Variants in ADAMTSL1 observed in about 807,000 individuals in gnomAD.
ADAMTSL1 encodes the protein ADAMTS like 1, also known as ADAMTS-like protein 1.
ADAMTSL1 carries 126 observed loss-of-function variants against 201.8 expected under a neutral mutation model. The observed-to-expected ratio is 0.62, with a 90% CI of 0.54 to 0.72. The LOEUF is 0.72. Among genes scored for constraint, ADAMTSL1 ranks in the 30% least tolerant of loss-of-function variants. ADAMTSL1 has a pLI of 0.00. For synonymous variants in ADAMTSL1, 1,121 were observed against 903.4 expected (o/e 1.24, Z -4.32); for missense variants, 2,679 against 2,277.8 (o/e 1.18, Z -3.59).
In ADAMTSL1 at chr9:18,266,727, T is replaced by C. The variant is rs572594905; in HGVS notation, c.207+102746T>C. 2.6e-5 allele frequency among the ~76,000 whole-genome samples: 4 copies of C among 152,256 alleles called. 1 individual carries two copies. Among genetic ancestry groups the C allele is most frequent in the East Asian group, 1.9e-4 (1 of 5,180 alleles). ...TCAGGGGCCCTATCGATTAACCCCA[T>C]TGGACAAGACTCAGTAAACATGGCC... On this transcript the variant is annotated intron_variant, in intron 2 of 29. Coordinates refer to the ADAMTSL1 transcript ENST00000680146.
chr9:18,006,391 T>G (rs1819828533), intron 1 of ADAMTSL1, among the ~76,000 whole-genome samples: 1 of 152,016 alleles, frequency 6.6e-6, no homozygotes, highest in Non-Finnish European at 1.5e-5. Flanking sequence ...CCTGACAATT[T>G]CACAGTTGGC....
chr9:18,143,144 A>G (rs562672353), intron 1 of ADAMTSL1, among the ~76,000 whole-genome samples: 1 of 152,240 alleles, frequency 6.6e-6, no homozygotes, highest in East Asian at 1.9e-4. Context: ...AGGCTTAACC[A>G]CCTTCTACTC....
intron 1 of ADAMTSL1, among the ~76,000 whole-genome samples, chr9:17,936,081 T>C (rs1479697017): frequency 2.0e-5 from 3 of 152,210 alleles, no homozygotes; most frequent in Admixed American, 6.5e-5. Flanking sequence ...ATTTAGCTCT[T>C]AGAAAACAAA....
chr9:18,146,487 A>G (rs1826648789), intron 1 of ADAMTSL1, among the ~76,000 whole-genome samples: 1 of 152,174 alleles, frequency 6.6e-6, no homozygotes, highest in African/African-American at 2.4e-5. Context: ...ATAGTATATG[A>G]TTCTGATTTT....
At chr9:18,327,127 T>C (rs2132884910) in intron 2 of ADAMTSL1, among the ~76,000 whole-genome samples, 1 of 152,362 alleles carries the variant, frequency 6.6e-6, no homozygotes, top group South Asian at 2.1e-4. Context: ...AGTTTCATGG[T>C]AGGTCATTTT....
intron 23 of ADAMTSL1, among the ~76,000 whole-genome samples, chr9:18,857,254 G>C (rs995496455): frequency 1.3e-5 from 2 of 152,158 alleles, no homozygotes; most frequent in African/African-American, 4.8e-5. Flanking sequence ...TCATTGCCCA[G>C]TGCATATTCC....
At chr9:17,958,433 C>T (rs141338016) in intron 1 of ADAMTSL1, among the ~76,000 whole-genome samples, 1 of 152,236 alleles carries the variant, frequency 6.6e-6, no homozygotes. Context: ...GCAAGTTTAT[C>T]ATTATTTTAG....
At chr9:18,289,865 A>T (rs976950061) in intron 2 of ADAMTSL1, among the ~76,000 whole-genome samples, 1 of 152,222 alleles carries the variant, frequency 6.6e-6, no homozygotes, top group African/African-American at 2.4e-5. Flanking sequence ...TCCAGTTTAT[A>T]ATTCAAAGGA....
chr9:17,972,211 G>T (rs1818231807), intron 1 of ADAMTSL1, among the ~76,000 whole-genome samples: 1 of 145,480 alleles, frequency 6.9e-6, no homozygotes, highest in Non-Finnish European at 1.5e-5. Context: ...TGTGCACAAT[G>T]TGCAGGTTTG....
chr9:18,125,761 A>C (rs2049332710), intron 1 of ADAMTSL1, among the ~76,000 whole-genome samples: 1 of 152,176 alleles, frequency 6.6e-6, no homozygotes, highest in African/African-American at 2.4e-5. Context: ...TCTATATTGC[A>C]TCTTTTTTCC....
intron 15 of ADAMTSL1, among the ~76,000 whole-genome samples, chr9:18,733,784 T>G (rs932459472): frequency 6.6e-6 from 1 of 151,768 alleles, no homozygotes; most frequent in African/African-American, 2.4e-5. Flanking sequence ...CCCTGAAGAC[T>G]TATTCTCAGT....
intron 2 of ADAMTSL1, among the ~76,000 whole-genome samples, chr9:18,525,178 A>G (rs1433683533): frequency 6.6e-6 from 1 of 152,236 alleles, no homozygotes. Flanking sequence ...GGGAGGGTGT[A>G]TGTGTCCAGG....
At chr9:18,688,021 T>C (rs75757256) in intron 13 of ADAMTSL1, among the ~76,000 whole-genome samples, 1 of 151,770 alleles carries the variant, frequency 6.6e-6, no homozygotes, top group South Asian at 2.1e-4. Flanking sequence ...TACATGTTGA[T>C]TTTTTTTCCC....
At chr9:18,489,607 G>A (rs1033247268) in intron 1 of ADAMTSL1, among the ~76,000 whole-genome samples, 1 of 152,040 alleles carries the variant, frequency 6.6e-6, no homozygotes. Flanking sequence ...CAATTTGAAG[G>A]GACAAAATAA....
At chr9:18,381,378 T>G (rs1837547960) in intron 2 of ADAMTSL1, among the ~76,000 whole-genome samples, 1 of 152,216 alleles carries the variant, frequency 6.6e-6, no homozygotes, top group Non-Finnish European at 1.5e-5. Context: ...GGATATTTTA[T>G]CTTTAGTTTT....
At chr9:18,295,850 C>T (rs759136491) in intron 2 of ADAMTSL1, among the ~76,000 whole-genome samples, 5 of 152,114 alleles carry the variant, frequency 3.3e-5, no homozygotes, top group African/African-American at 9.7e-5. Context: ...AAAAGACATA[C>T]ATTTGGATTT....
rs1185339894 is a variant in ADAMTSL1, at chr9:18,337,177, G to C, written c.208-167652G>C. Among the ~76,000 whole-genome samples, 7 of 152,212 alleles carry C rather than the reference G, an allele frequency of 4.6e-5. No individual in the cohort carries two copies. The East Asian group carries it at 1.4e-3, about 29-fold the overall frequency. On this transcript the variant is annotated intron_variant, in intron 2 of 29. Coordinates refer to the ADAMTSL1 transcript ENST00000680146. ...GATAGCACAGCCAGAATAAAAGCAG[G>C]CTGAAGAACGTGGAAGGACCAGACT...
chr9:18,383,371 C>G (rs898553335), intron 2 of ADAMTSL1, among the ~76,000 whole-genome samples: 1 of 151,968 alleles, frequency 6.6e-6, no homozygotes, highest in Admixed American at 6.6e-5. Context: ...ATGTTTAAGG[C>G]ATTTGAGTAC....
intron 22 of ADAMTSL1, among the ~76,000 whole-genome samples, chr9:18,826,705 T>C (rs1018094363): frequency 1.7e-4 from 26 of 152,238 alleles, no homozygotes; most frequent in African/African-American, 6.3e-4. Flanking sequence ...TTCACTCTGC[T>C]AAGCCTTAGA....
Sources: gnomAD v4.1 joint callset for allele counts (sites outside exome capture counted in the v4.1 genomes callset) on GRCh38, gnomAD v4.1.1 for gene constraint, MANE v1.5 for transcripts, NCBI Gene and HGNC (gene_info 2026-07-23, HGNC 2026-07-21) for gene names.